SDCBP: variants seen among roughly 807,000 people sequenced by gnomAD.
SDCBP encodes syntenin-1.
In SDCBP, 22 loss-of-function variants were observed where a neutral mutation model predicts 30.5. The ratio of observed to expected loss-of-function variants is 0.72; its 90% confidence interval spans 0.52 to 1.03. SDCBP has a LOEUF of 1.03. Among genes scored for constraint, SDCBP ranks in the 50% least tolerant of loss-of-function variants. The pLI, the probability that SDCBP is intolerant of heterozygous loss-of-function variation, is 0.00. For missense variants in SDCBP, 304 were observed against 369.9 expected (o/e 0.82, Z 1.46); for synonymous variants, 103 against 118.7 (o/e 0.87, Z 0.86).
At chr8:58,579,563 A>G in intron 6 of SDCBP, 60 bp from the exon 7 acceptor site, 1 of 1,298,676 alleles carries the variant, frequency 7.7e-7, no homozygotes, top group Non-Finnish European at 1.0e-6. Context: ...ATGCTATATG[A>G]AATCCATTAA....
At chr8:58,557,262 T>TA (rs1804182475) in intron 1 of SDCBP, among the ~76,000 whole-genome samples, 1 of 131,866 alleles carries the variant, frequency 7.6e-6, no homozygotes, top group Non-Finnish European at 1.5e-5. Context: ...TATTTATATT[T>TA]AAATATTTAT....
chr8:58,568,729 A>C (rs1020441001), intron 2 of SDCBP, among the ~76,000 whole-genome samples: 4 of 152,182 alleles, frequency 2.6e-5, no homozygotes, highest in Admixed American at 6.5e-5. Context: ...TCATGGGACC[A>C]CTATTGTATA....
At chr8:58,557,440 A>T (rs977613561) in intron 1 of SDCBP, among the ~76,000 whole-genome samples, 1 of 135,396 alleles carries the variant, frequency 7.4e-6, no homozygotes, top group African/African-American at 2.7e-5. Context: ...TATATAATAC[A>T]TATAATACAT....
In SDCBP at chr8:58,581,956, A is replaced by G; in HGVS notation, c.*216A>G. The G allele has an allele frequency of 1.9e-6, 1 of 520,598 alleles. No individual in the cohort carries two copies. Among genetic ancestry groups the G allele is most frequent in the East Asian group, 3.3e-5 (1 of 30,260 alleles). 32.2% of individuals were successfully genotyped at this position (520,598 alleles called of 1,614,324 possible). A position where few individuals can be genotyped will look rare whatever the true frequency, so the allele number is the denominator to read the frequency against. The stretch of plus-strand genomic sequence containing the variant: ...CTTATCCTGGTTTTACAGATGTGAA[A>G]CTTTCAAGAGATTTACTGACTTTCC... On this transcript the variant is annotated 3_prime_UTR_variant, in exon 9 of 9. Coordinates refer to ENST00000260130, the MANE Select transcript of SDCBP (RefSeq NM_005625.4).
At chr8:58,559,061 C>A (rs566232075) in intron 1 of SDCBP, among the ~76,000 whole-genome samples, 1 of 152,078 alleles carries the variant, frequency 6.6e-6, no homozygotes, top group South Asian at 2.1e-4. Context: ...GTGTAAATTA[C>A]GGTAATATTT....
chr8:58,577,980 A>G lies in SDCBP; in HGVS notation c.403-53A>G, dbSNP rs1805442090. On this transcript the variant is annotated intron_variant, in intron 5 of 8. Coordinates refer to ENST00000260130, the MANE Select transcript of SDCBP (RefSeq NM_005625.4). ...GTTGTTTCCTAATTTTCCAGCGTTT[A>G]AAACCGTATCATAGTAGTGGTAAAT... The G allele has an allele frequency of 4.3e-6, 6 of 1,381,506 alleles. No homozygotes were observed. The South Asian group carries it at 7.1e-5, about 16-fold the overall frequency. 85.6% of individuals were successfully genotyped at this position (1,381,506 alleles called of 1,614,324 possible).
At chr8:58,572,466 A>G in intron 4 of SDCBP, 152 bp downstream of exon 4, 1 of 572,678 alleles carries the variant, frequency 1.7e-6, no homozygotes, top group Non-Finnish European at 3.1e-6. Flanking sequence ...ATCATTTCTT[A>G]TATAGTCTAC....
At position 58,576,030 on chromosome 8, in the gene SDCBP, A is replaced by G. The variant is rs146809015; in HGVS notation, c.371A>G (p.Lys124Arg). ...ATTTTGTGTAAGGATCAAGATGGAA[A>G]AATTGGACTCAGGCTTAAATCAATA... ...EVILCKDQDG[K>R]IGLRLKSIDN... Residue 124 changes from lysine to arginine, a missense_variant, in exon 5 of 9, where the codon AAA becomes AGA. Physicochemically the swap from Lys to Arg is conservative, Grantham distance 26. Coordinates refer to ENST00000260130, the MANE Select transcript of SDCBP (RefSeq NM_005625.4). 2.2e-5 allele frequency: 35 copies of G among 1,613,484 alleles called. No individual in the cohort carries two copies. The African/African-American group carries it at 4.4e-4, about 20-fold the overall frequency.
chr8:58,556,997 A>T (rs1414533750), intron 1 of SDCBP, among the ~76,000 whole-genome samples: 3 of 137,764 alleles, frequency 2.2e-5, no homozygotes, highest in Non-Finnish European at 3.0e-5. Flanking sequence ...ATTGTATATC[A>T]TACTATTATA....
At chr8:58,560,338 G>A (rs979635866) in intron 1 of SDCBP, 4 of 152,494 alleles carry the variant, frequency 2.6e-5, no homozygotes, top group Non-Finnish European at 5.9e-5. Context: ...AGGACCTATG[G>A]TAGGGCAGAC....
At chr8:58,569,075 C>T (rs912143824) in intron 2 of SDCBP, among the ~76,000 whole-genome samples, 3 of 152,070 alleles carry the variant, frequency 2.0e-5, no homozygotes, top group Non-Finnish European at 2.9e-5. Flanking sequence ...CGGAGTCTGG[C>T]TCTGTCACCA....
At chr8:58,564,446 A>G (rs1804599506) in intron 1 of SDCBP, among the ~76,000 whole-genome samples, 1 of 152,264 alleles carries the variant, frequency 6.6e-6, no homozygotes, top group Admixed American at 6.5e-5. Context: ...AATGAAAAGT[A>G]AAAATTTCCC....
In SDCBP at chr8:58,570,115, A is replaced by G. The variant is rs563568374; in HGVS notation, c.52-772A>G. On this transcript the variant is annotated intron_variant, in intron 2 of 8. Coordinates refer to ENST00000260130, the MANE Select transcript of SDCBP (RefSeq NM_005625.4). ...ACCAAACTTGTCTCTAATGACATAT[A>G]GCTATTTCAGAAAGTCAGATCTAAT... Among the ~76,000 whole-genome samples, 3 of 152,328 alleles carry G rather than the reference A, an allele frequency of 2.0e-5. No homozygotes were observed. The South Asian group carries it at 6.2e-4, about 32-fold the overall frequency.
In SDCBP at chr8:58,555,608, G is replaced by A. The variant is rs147799647; in HGVS notation, c.-16+2305G>A. 5.0e-4 allele frequency among the ~76,000 whole-genome samples: 76 copies of A among 152,232 alleles called. 1 individual carries two copies. The East Asian group carries it at 0.014, about 28-fold the overall frequency. On this transcript the variant is annotated intron_variant, in intron 1 of 8. Coordinates refer to ENST00000260130, the MANE Select transcript of SDCBP (RefSeq NM_005625.4). ...TAATAACTAGAGCCTCGGGTAATTT[G>A]GCTCTGATGATTAGCCAGATTGAGA...
At chr8:58,572,665 A>G (rs1563511909) in intron 4 of SDCBP, among the ~76,000 whole-genome samples, 1 of 152,058 alleles carries the variant, frequency 6.6e-6, no homozygotes, top group African/African-American at 2.4e-5. Context: ...CAGGGTTTCT[A>G]TACTTCTAGC....
chr8:58,565,758 G>A (rs915995507), intron 2 of SDCBP, among the ~76,000 whole-genome samples: 1 of 152,032 alleles, frequency 6.6e-6, no homozygotes, highest in Admixed American at 6.6e-5. Flanking sequence ...GAAATTTTTG[G>A]TAATTATTTT....
chr8:58,553,682 C>G (rs1803941030), intron 1 of SDCBP, among the ~76,000 whole-genome samples: 1 of 152,250 alleles, frequency 6.6e-6, no homozygotes, highest in Non-Finnish European at 1.5e-5. Context: ...TCCTTGTTTT[C>G]TCCTCGATAA....
At chr8:58,572,860 G>GCAAT (rs2129608066) in intron 4 of SDCBP, among the ~76,000 whole-genome samples, 1 of 140,712 alleles carries the variant, frequency 7.1e-6, no homozygotes, top group African/African-American at 2.7e-5. Flanking sequence ...AGGCTGGAGT[G>GCAAT]CAATGGCGTG....
chr8:58,580,587 T>C lies in SDCBP; in HGVS notation c.821T>C (p.Ile274Thr). ...VVTITIMPAF[I>T]FEHIIKRMAP... ...ACTATTACAATCATGCCTGCTTTTA[T>C]CTTTGAACATATTATTAAGCGGTAA... The change falls in exon 8 of 9, where the codon ATC (isoleucine) becomes ACC (threonine). Residue 274 changes from isoleucine to threonine, a missense_variant. Coordinates refer to ENST00000260130, the MANE Select transcript of SDCBP (RefSeq NM_005625.4). 6.4e-7 allele frequency: 1 copy of C among 1,561,610 alleles called. No homozygotes were observed. Among genetic ancestry groups the C allele is most frequent in the South Asian group, 1.1e-5 (1 of 89,994 alleles).
Sources: gnomAD v4.1 joint callset for allele counts (sites outside exome capture counted in the v4.1 genomes callset) on GRCh38, gnomAD v4.1.1 for gene constraint, MANE v1.5 for transcripts, NCBI Gene and HGNC (gene_info 2026-07-23, HGNC 2026-07-21) for gene names.